The following LINGO2 variants were observed in gnomAD, a reference collection of about 807,000 sequenced individuals.
LINGO2 encodes leucine-rich repeat and immunoglobulin-like domain-containing nogo receptor-interacting protein 2.
Under a neutral mutation model 30.6 loss-of-function variants are expected in LINGO2, and 14 were observed. The observed-to-expected ratio is 0.46, with a 90% CI of 0.30 to 0.72. The LOEUF is 0.72. Among genes scored for constraint, LINGO2 ranks in the 30% least tolerant of loss-of-function variants. The pLI is 0.07. For synonymous variants in LINGO2, 317 were observed against 288.5 expected (o/e 1.10, Z -1.00); for missense variants, 729 against 751.7 (o/e 0.97, Z 0.35).
At chr9:28,280,658 C>G (rs73645626) in intron 4 of LINGO2, among the ~76,000 whole-genome samples, 1 of 152,018 alleles carries the variant, frequency 6.6e-6, no homozygotes, top group East Asian at 1.9e-4. Flanking sequence ...TCAGTATACT[C>G]TGAATGGTTG....
At chr9:28,677,736 T>G in the LINGO2 span, among the ~76,000 whole-genome samples, 2 of 152,270 alleles carry the variant, frequency 1.3e-5, no homozygotes, top group Admixed American at 1.3e-4. Context: ...ACTGCTCTAA[T>G]GAAAAAATCC....
the LINGO2 span, among the ~76,000 whole-genome samples, chr9:29,146,861 A>G: frequency 3.9e-5 from 6 of 152,204 alleles, no homozygotes; most frequent in South Asian, 2.1e-4. Context: ...GGAGAAATAC[A>G]CAAAACAACT....
At chr9:28,345,243 T>C (rs1273261680) in intron 3 of LINGO2, among the ~76,000 whole-genome samples, 1 of 152,176 alleles carries the variant, frequency 6.6e-6, no homozygotes, top group Non-Finnish European at 1.5e-5. Context: ...AAGAATTGAA[T>C]TAAATATATT....
chr9:28,348,668 G>A (rs1819702024), intron 3 of LINGO2, among the ~76,000 whole-genome samples: 1 of 152,050 alleles, frequency 6.6e-6, no homozygotes, highest in African/African-American at 2.4e-5. Context: ...AGGCCTGCCT[G>A]CCTCTGTAGG....
At chr9:27,992,241 C>A (rs1048713555) in intron 5 of LINGO2, among the ~76,000 whole-genome samples, 2 of 152,014 alleles carry the variant, frequency 1.3e-5, no homozygotes, top group Non-Finnish European at 2.9e-5. Context: ...GTGCTTAAAT[C>A]CTTTTGTTTT....
chr9:29,035,979 C>T, the LINGO2 span, among the ~76,000 whole-genome samples: 1 of 151,932 alleles, frequency 6.6e-6, no homozygotes, highest in Non-Finnish European at 1.5e-5. Context: ...TTTGCGGAAA[C>T]AATTTGGGAA....
At chr9:27,949,128 G>C (rs1823492113) in exon 6 of LINGO2, 1 of 1,614,156 alleles carries the variant, frequency 6.2e-7, no homozygotes, top group South Asian at 1.1e-5. Flanking sequence ...CATGTACATA[G>C]GGGTCCTGTT....
chr9:27,939,849 T>G, the LINGO2 span: 1 of 152,230 alleles, frequency 6.6e-6, no homozygotes. Context: ...AGGGTTCACA[T>G]AAATGTTATT....
At position 28,044,775 on chromosome 9, in the gene LINGO2, T is replaced by C. The variant is rs530113071; in HGVS notation, c.-86-32370A>G. On this transcript the variant is annotated intron_variant, in intron 4 of 5. Transcript: ENST00000379992. ...GGCAAGCAGGTGGGAAGCATGTGTC[T>C]TGGCTTCTCTCTCAGGCATATGTTA... 1.8e-4 allele frequency among the ~76,000 whole-genome samples: 5 copies of C among 28,554 alleles called. No homozygotes were observed. In the South Asian group the frequency reaches 0.013, roughly 72 times the overall value. 18.7% of individuals were successfully genotyped at this position (28,554 alleles called of 152,430 possible). A position where few individuals can be genotyped will look rare whatever the true frequency, so the allele number is the denominator to read the frequency against.
the LINGO2 span, among the ~76,000 whole-genome samples, chr9:28,917,949 GACAA>G: frequency 6.6e-6 from 1 of 152,084 alleles, no homozygotes; most frequent in South Asian, 2.1e-4. Context: ...TATCTGCTGT[GACAA>G]ACAGTGCTAG....
the LINGO2 span, among the ~76,000 whole-genome samples, chr9:28,883,078 A>C: frequency 1.3e-5 from 2 of 152,302 alleles, no homozygotes; most frequent in Middle Eastern, 3.4e-3. Flanking sequence ...CCCTTACCAC[A>C]GCCCACAAGA....
At chr9:28,007,073 T>C (rs568752990) in intron 5 of LINGO2, among the ~76,000 whole-genome samples, 3 of 152,174 alleles carry the variant, frequency 2.0e-5, no homozygotes, top group Non-Finnish European at 4.4e-5. Context: ...GCTTTTAAGC[T>C]GTTTCATAAA....
chr9:28,869,954 T>A, the LINGO2 span, among the ~76,000 whole-genome samples: 1 of 151,862 alleles, frequency 6.6e-6, no homozygotes, highest in Non-Finnish European at 1.5e-5. Context: ...CAGTCAATGT[T>A]CAAAGCCAAC....
At chr9:28,048,685 G>C (rs1056959082) in intron 4 of LINGO2, among the ~76,000 whole-genome samples, 1 of 150,694 alleles carries the variant, frequency 6.6e-6, no homozygotes, top group Non-Finnish European at 1.5e-5. Context: ...TATCTACGAT[G>C]CCAAAAGGCT....
At chr9:28,586,303 T>A (rs1824536541) in intron 1 of LINGO2, among the ~76,000 whole-genome samples, 2 of 152,026 alleles carry the variant, frequency 1.3e-5, no homozygotes, top group Admixed American at 6.6e-5. Flanking sequence ...TGCCTCCCAG[T>A]GGTAACCACT....
chr9:28,468,925 A>C (rs1311249375), intron 2 of LINGO2, among the ~76,000 whole-genome samples: 2 of 152,208 alleles, frequency 1.3e-5, no homozygotes, highest in African/African-American at 4.8e-5. Flanking sequence ...AATACGGTCC[A>C]TCAAAAGGAA....
chr9:28,971,596 T>C, the LINGO2 span, among the ~76,000 whole-genome samples: 1 of 152,174 alleles, frequency 6.6e-6, no homozygotes, highest in East Asian at 1.9e-4. Flanking sequence ...CTGCATCTTG[T>C]GGTTTGAATG....
At chr9:28,859,565 T>C in the LINGO2 span, among the ~76,000 whole-genome samples, 6 of 152,048 alleles carry the variant, frequency 3.9e-5, no homozygotes, top group Non-Finnish European at 8.8e-5. Context: ...TCCCTAATTT[T>C]TTGTCACTTC....
At chr9:29,092,732 T>C in the LINGO2 span, among the ~76,000 whole-genome samples, 1 of 137,048 alleles carries the variant, frequency 7.3e-6, no homozygotes, top group East Asian at 2.5e-4. Flanking sequence ...AAGTGATAGG[T>C]AAGTTTTCTG....
Sources: allele counts gnomAD v4.1 joint callset (sites outside exome capture counted in the v4.1 genomes callset), GRCh38; gene constraint gnomAD v4.1.1; transcripts MANE v1.5; gene names NCBI Gene and HGNC (gene_info 2026-07-23, HGNC 2026-07-21).